Variants in PLEK observed in about 807,000 individuals in gnomAD.
PLEK encodes the protein platelet 47 kDa protein.
In PLEK, 25 loss-of-function variants were observed where a neutral mutation model predicts 43.9. That is an observed-to-expected ratio of 0.57 (90% CI 0.41 to 0.79). PLEK has a LOEUF of 0.79. PLEK is among the 30% of genes least tolerant of loss of function. The pLI is 0.00. For missense variants in PLEK, 396 were observed against 413.3 expected (o/e 0.96, Z 0.36); for synonymous variants, 152 against 144.4 (o/e 1.05, Z -0.38).
At chr2:68,388,861 G>A (rs1365974218) in intron 6 of PLEK, among the ~76,000 whole-genome samples, 2 of 152,154 alleles carry the variant, frequency 1.3e-5, no homozygotes, top group Non-Finnish European at 2.9e-5. Context: ...TCCCTTCAAA[G>A]CAACCAGGAA....
rs538943533 is a variant in PLEK at position 68,397,131 on chromosome 2, G to C, written c.*1315G>C. Reference sequence around the variant, plus strand: ...GAGAAAGACAGCACCCATTGAAGCAGATATGTGTGTGAAAGTATATTTTTC... The same window carrying C: ...GAGAAAGACAGCACCCATTGAAGCACATATGTGTGTGAAAGTATATTTTTC... On this transcript the variant is annotated 3_prime_UTR_variant, in exon 9 of 9. Transcript: ENST00000234313. 1 of 152,282 alleles carries C rather than the reference G, an allele frequency of 6.6e-6. No homozygotes were observed. Among genetic ancestry groups the C allele is most frequent in the African/African-American group, 2.4e-5 (1 of 41,564 alleles). The allele number at this position is 152,282 out of a possible 1,614,324, so 9.4% of individuals were successfully genotyped here.
In PLEK at chr2:68,389,127, G is replaced by A. The variant is rs116059106; in HGVS notation, c.762+636G>A. On this transcript the variant is annotated intron_variant, in intron 6 of 8. Transcript: ENST00000234313. ...TGGAGAGTGCTGAGGAGCTCTAGTC[G>A]GTTACCAGGTGCCAAGGCATATGAT... 2.1e-3 allele frequency among the ~76,000 whole-genome samples: 322 copies of A among 152,340 alleles called. 2 individuals are homozygous for A. Among genetic ancestry groups the A allele is most frequent in the African/African-American group, 7.3e-3 (302 of 41,568 alleles).
At chr2:68,382,768 G>C in intron 4 of PLEK, 135 bp downstream of exon 4, 1 of 602,640 alleles carries the variant, frequency 1.7e-6, no homozygotes, top group South Asian at 2.3e-5. Context: ...GTGAGCCTGA[G>C]GATGAAGCTC....
intron 6 of PLEK, among the ~76,000 whole-genome samples, chr2:68,392,880 G>A (rs1413204859): frequency 1.3e-5 from 2 of 151,688 alleles, no homozygotes; most frequent in Admixed American, 6.6e-5. Flanking sequence ...ACCTAACACA[G>A]CACATTGTAC....
chr2:68,372,137 GC>G (rs1673420758), intron 1 of PLEK, among the ~76,000 whole-genome samples: 1 of 151,492 alleles, frequency 6.6e-6, no homozygotes, highest in South Asian at 2.1e-4. Flanking sequence ...ATTTTCATTT[GC>G]TTTTCAGTTG....
chr2:68,374,981 A>G (rs1345019994), intron 1 of PLEK, among the ~76,000 whole-genome samples: 2 of 152,190 alleles, frequency 1.3e-5, no homozygotes, highest in Admixed American at 6.5e-5. Flanking sequence ...TATGATGAAT[A>G]AAGGTGTCAT....
At position 68,393,252 on chromosome 2, in the gene PLEK, T is replaced by A. The variant is rs187710433; in HGVS notation, c.846+7T>A. On this transcript the variant is annotated splice_region_variant and intron_variant, in intron 7 of 8. Coordinates refer to ENST00000234313, the MANE Select transcript of PLEK (RefSeq NM_002664.3). ...CTACTATGACCCTGCTGGGGTAAGG[T>A]CCTGTGGTTCATAAATCCATTCAAA... 1.1e-4 allele frequency: 173 copies of A among 1,559,612 alleles called. No homozygotes were observed. The African/African-American group carries it at 2.1e-3, about 19-fold the overall frequency.
At chr2:68,387,197 C>T (rs938597998) in intron 5 of PLEK, among the ~76,000 whole-genome samples, 2 of 151,976 alleles carry the variant, frequency 1.3e-5, no homozygotes, top group East Asian at 1.9e-4. Context: ...GTAAAGACAG[C>T]GTTTCACCAT....
At position 68,382,776 on chromosome 2, in the gene PLEK, C is replaced by A. The variant is rs147080220; in HGVS notation, c.472+143C>A. ...CAGCCTGGTGAGCCTGAGGATGAAG[C>A]TCCTACAGAGTGAAAATAGAAAGAA... On this transcript the variant is annotated intron_variant, in intron 4 of 8. Transcript: ENST00000234313. The A allele has an allele frequency of 6.1e-5, 35 of 577,392 alleles. No homozygotes were observed. In the East Asian group the frequency reaches 8.2e-4, roughly 14 times the overall value. 35.8% of individuals were successfully genotyped at this position (577,392 alleles called of 1,614,324 possible).
chr2:68,387,676 A>G (rs1673774459), intron 5 of PLEK, among the ~76,000 whole-genome samples: 1 of 152,144 alleles, frequency 6.6e-6, no homozygotes, highest in Non-Finnish European at 1.5e-5. Flanking sequence ...GGATCAGAGC[A>G]CAGAATTTAG....
intron 1 of PLEK, among the ~76,000 whole-genome samples, chr2:68,376,039 T>C (rs574776047): frequency 6.6e-6 from 1 of 152,238 alleles, no homozygotes; most frequent in Non-Finnish European, 1.5e-5. Context: ...GCTGTCTGAG[T>C]TTCTTTTTGA....
At chr2:68,394,531 T>A (rs548417013) in intron 8 of PLEK, among the ~76,000 whole-genome samples, 1 of 138,690 alleles carries the variant, frequency 7.2e-6, no homozygotes, top group East Asian at 2.0e-4. Context: ...CAATACTCTG[T>A]CTCAAAAAAA....
chr2:68,380,288 A>C, intron 1 of PLEK, 40 bp from the exon 2 acceptor site: 1 of 1,542,512 alleles, frequency 6.5e-7, no homozygotes, highest in African/African-American at 1.4e-5. Flanking sequence ...CAGTTTGCAA[A>C]GAGCCCTGTC....
chr2:68,369,456 C>T (rs1406222323), intron 1 of PLEK, among the ~76,000 whole-genome samples: 1 of 151,500 alleles, frequency 6.6e-6, no homozygotes, highest in Non-Finnish European at 1.5e-5. Context: ...AGAGCGACTC[C>T]ACAGTGTTGC....
chr2:68,384,140 GT>G (rs574314627), intron 4 of PLEK, among the ~76,000 whole-genome samples: 150 of 151,546 alleles, frequency 9.9e-4, no homozygotes, highest in African/African-American at 3.5e-3. Context: ...TATTGGGCTG[GT>G]TTTTTTCTTC....
At chr2:68,368,127 C>T (rs1343880477) in intron 1 of PLEK, among the ~76,000 whole-genome samples, 3 of 152,154 alleles carry the variant, frequency 2.0e-5, no homozygotes, top group Non-Finnish European at 2.9e-5. Flanking sequence ...TCCTCTTTTG[C>T]CTCCTGAATA....
At chr2:68,393,463 C>G (rs1397787416) in intron 7 of PLEK, among the ~76,000 whole-genome samples, 1 of 152,008 alleles carries the variant, frequency 6.6e-6, no homozygotes, top group East Asian at 1.9e-4. Context: ...AGGGATGGAA[C>G]AAAATATCAC....
chr2:68,380,589 C>G, intron 2 of PLEK, 106 bp downstream of exon 2: 6 of 1,394,026 alleles, frequency 4.3e-6, no homozygotes, highest in Non-Finnish European at 4.0e-6. Context: ...GTCCCTCTCA[C>G]CACCACCCAC....
At chr2:68,372,752 G>A (rs10184979) in intron 1 of PLEK, among the ~76,000 whole-genome samples, 121,456 of 151,944 alleles carry the variant, frequency 0.8, 49,283 homozygotes, top group African/African-American at 0.93. Flanking sequence ...GTGTGTGTGT[G>A]TATATATATC....
Sources: allele counts gnomAD v4.1 joint callset (sites outside exome capture counted in the v4.1 genomes callset), GRCh38; gene constraint gnomAD v4.1.1; transcripts MANE v1.5; gene names NCBI Gene and HGNC (gene_info 2026-07-23, HGNC 2026-07-21).